LPCAT1: variants seen among roughly 807,000 people sequenced by gnomAD.
The protein encoded by LPCAT1 is lysophosphatidylcholine acyltransferase 1.
A neutral mutation model predicts 60.9 loss-of-function variants in LPCAT1; 23 were observed. The ratio of observed to expected loss-of-function variants is 0.38; its 90% CI spans 0.27 to 0.53. The LOEUF (loss-of-function observed/expected upper bound fraction) is 0.53, where lower values mean the gene tolerates loss of function less well. Ranked by LOEUF, LPCAT1 falls within the 20% of genes least tolerant of loss-of-function variation. The pLI is 0.82. For missense variants in LPCAT1, 622 were observed against 723.6 expected (o/e 0.86, Z 1.61); for synonymous variants, 340 against 301.1 (o/e 1.13, Z -1.34).
Position 1,473,999 on chromosome 5 carries a change from G to A in LPCAT1, c.1137C>T (p.Pro379=), listed in dbSNP as rs375128073. The stretch of plus-strand genomic sequence containing the variant: ...ACATGTCTTCCAGCAAGTCAGAAAC[G>A]GGGACTTCCAGGGAGGCGGCAAACT... ...IAEFAASLEV[P]VSDLLEDMFS... is the part of the protein sequence containing the mutation. Residue 379 remains proline (P), a synonymous_variant, in exon 11 of 14, where the codon CCC becomes CCT. Transcript: ENST00000283415. The A allele has an allele frequency of 2.4e-5, 38 of 1,614,036 alleles. No homozygotes were observed. Among genetic ancestry groups the A allele is most frequent in the Admixed American group, 1.7e-4 (10 of 60,002 alleles).
Position 1,495,568 on chromosome 5 carries a change from T to C in LPCAT1, c.279-654A>G, listed in dbSNP as rs1735759120. 6.6e-6 allele frequency among the ~76,000 whole-genome samples: 1 copy of C among 152,228 alleles called. No individual in the cohort carries two copies. Among genetic ancestry groups the C allele is most frequent in the Non-Finnish European group, 1.5e-5 (1 of 68,028 alleles). ...TAAAATAGGTACAAATTTAGCCTTT[T>C]AAATGTGTGTATTCTCTTTCATATG... On this transcript the variant is annotated intron_variant, in intron 2 of 13. Transcript: ENST00000283415. This position sits in a 1 kb window ranked among gnomAD's most constrained non-coding sequence, Gnocchi z 4.7.
chr5:1,467,975 G>A (rs139112953), intron 12 of LPCAT1, among the ~76,000 whole-genome samples: 10 of 152,268 alleles, frequency 6.6e-5, no homozygotes, highest in African/African-American at 1.4e-4. Flanking sequence ...GATCTTGTGA[G>A]CGTTTGCTCC....
intron 2 of LPCAT1, among the ~76,000 whole-genome samples, chr5:1,500,058 A>C (rs1735948742): frequency 6.6e-6 from 1 of 152,216 alleles, no homozygotes; most frequent in South Asian, 2.1e-4. Context: ...TTCCCCACCA[A>C]TGCAGCCCTG....
At chr5:1,467,774 G>A (rs1421456599) in intron 12 of LPCAT1, among the ~76,000 whole-genome samples, 6 of 152,016 alleles carry the variant, frequency 3.9e-5, no homozygotes, top group Admixed American at 6.5e-5. Context: ...GACGCCGCCC[G>A]TGTCCTTCCG....
chr5:1,507,472 G>A (rs918981049), intron 1 of LPCAT1, among the ~76,000 whole-genome samples: 4 of 152,278 alleles, frequency 2.6e-5, no homozygotes, highest in African/African-American at 7.2e-5. Context: ...CATGCAGGGA[G>A]AGCTTTGGTG....
At chr5:1,482,132 AGTGGGCT>A (rs58362158) in intron 6 of LPCAT1, among the ~76,000 whole-genome samples, 12,874 of 152,008 alleles carry the variant, frequency 0.085, 1,756 homozygotes, top group African/African-American at 0.29. Flanking sequence ...GCCCAGCACC[AGTGGGCT>A]GTGGGGACCT....
At position 1,523,903 on chromosome 5, in the gene LPCAT1, G is replaced by A. The variant is rs550068457; in HGVS notation, c.-59C>T. ...TGCCTGGGGCGCCGAGCGGGGCCGG[G>A]GCTAGCTGGGCGCGGGTCTCGGGGC... On this transcript the variant is annotated 5_prime_UTR_variant, in exon 1 of 14. Transcript: ENST00000283415. This position sits in a 1 kb window ranked among gnomAD's most constrained non-coding sequence, Gnocchi z 7.1. 2.3e-3 allele frequency: 2,312 copies of A among 1,006,180 alleles called. 2 individuals carry two copies. The highest frequency in any genetic ancestry group is 2.6e-3 in the Non-Finnish European group (2,189 of 843,512). The allele number at this position is 1,006,180 out of a possible 1,614,324, so 62.3% of individuals were successfully genotyped here.
intron 5 of LPCAT1, among the ~76,000 whole-genome samples, chr5:1,484,711 G>A (rs456752): frequency 0.046 from 7,081 of 152,290 alleles, 245 homozygotes; most frequent in East Asian, 0.14. Context: ...CTGAAACCTC[G>A]AGCTGACCGC....
chr5:1,499,171 C>T (rs1735915710), intron 2 of LPCAT1, among the ~76,000 whole-genome samples: 1 of 152,190 alleles, frequency 6.6e-6, no homozygotes, highest in Non-Finnish European at 1.5e-5. Flanking sequence ...TATTCACAGA[C>T]AAGAAAAGCC....
At chr5:1,503,810 C>T in intron 1 of LPCAT1, among the ~76,000 whole-genome samples, 1 of 151,974 alleles carries the variant, frequency 6.6e-6, no homozygotes, top group East Asian at 1.9e-4. Flanking sequence ...ATATTTTTCC[C>T]TCCCGCTACC....
rs945488697 is a variant in LPCAT1 at position 1,477,252 on chromosome 5, C to T, written c.899+152G>A. 4.7e-6 allele frequency: 3 copies of T among 645,080 alleles called. No homozygotes were observed. Among genetic ancestry groups the T allele is most frequent in the Non-Finnish European group, 8.2e-6 (3 of 365,782 alleles). The allele number at this position is 645,080 out of a possible 1,614,324, so 40.0% of individuals were successfully genotyped here. On this transcript the variant is annotated intron_variant, in intron 9 of 13. Coordinates refer to ENST00000283415, the MANE Select transcript of LPCAT1 (RefSeq NM_024830.5). This position sits in a 1 kb window ranked among gnomAD's most constrained non-coding sequence, Gnocchi z 6.0. The stretch of plus-strand genomic sequence containing the variant: ...GAAACAAGGGGCGCACAGCACAAGG[C>T]CAAGCACGCTTCACCAACATGCATG...
chr5:1,467,929 G>A (rs1313869256), intron 12 of LPCAT1, among the ~76,000 whole-genome samples: 1 of 152,078 alleles, frequency 6.6e-6, no homozygotes, highest in African/African-American at 2.4e-5. Context: ...CCGTCGCCCT[G>A]ACTCCGAGTC....
intron 2 of LPCAT1, among the ~76,000 whole-genome samples, chr5:1,501,216 C>T (rs940233166): frequency 3.3e-5 from 5 of 152,218 alleles, no homozygotes; most frequent in Admixed American, 1.3e-4. Flanking sequence ...AATGGCCACA[C>T]ATCCTGCAGA....
intron 7 of LPCAT1, 91 bp from the exon 8 acceptor site, chr5:1,479,766 G>A (rs1195135749): frequency 3.4e-5 from 34 of 1,000,552 alleles, no homozygotes; most frequent in East Asian, 5.2e-5. Context: ...CTCCAGACGC[G>A]CCCTCCAGAG....
At chr5:1,470,001 G>A (rs1734602012) in intron 12 of LPCAT1, among the ~76,000 whole-genome samples, 2 of 152,218 alleles carry the variant, frequency 1.3e-5, no homozygotes, top group African/African-American at 4.8e-5. Context: ...TTTTCATGTG[G>A]GGACATTCCC....
Position 1,480,234 on chromosome 5 carries a change from G to C in LPCAT1, c.762-559C>G. ...GACCCCAGAACCCCTATACCCCCCA[G>C]AGCCCCCTCCCAGCTCTGCTCCCAG... is the stretch of plus-strand genomic sequence containing the variant. On this transcript the variant is annotated intron_variant, in intron 7 of 13. Coordinates refer to ENST00000283415, the MANE Select transcript of LPCAT1 (RefSeq NM_024830.5). The surrounding 1 kb of genome is among the most constrained non-coding windows in gnomAD (Gnocchi z 6.4). 2.7e-5 allele frequency: 11 copies of C among 405,566 alleles called. No individual in the cohort carries two copies. Among genetic ancestry groups the C allele is most frequent in the Non-Finnish European group, 3.6e-5 (11 of 307,762 alleles). 25.1% of individuals were successfully genotyped at this position (405,566 alleles called of 1,614,324 possible). A position where few individuals can be genotyped will look rare whatever the true frequency, so the allele number is the denominator to read the frequency against.
chr5:1,515,997 G>T (rs930129043), intron 1 of LPCAT1, among the ~76,000 whole-genome samples: 1 of 152,250 alleles, frequency 6.6e-6, no homozygotes, highest in Non-Finnish European at 1.5e-5. Flanking sequence ...CAGGGGCTGT[G>T]GGCCCTGGCA....
intron 1 of LPCAT1, 100 bp from the exon 2 acceptor site, chr5:1,501,703 A>G: frequency 3.2e-6 from 4 of 1,232,154 alleles, no homozygotes; most frequent in Non-Finnish European, 4.7e-6. Context: ...CGCCCCACAG[A>G]GTGGAGAGCT....
At chr5:1,504,124 T>C (rs1736110288) in intron 1 of LPCAT1, among the ~76,000 whole-genome samples, 2 of 152,264 alleles carry the variant, frequency 1.3e-5, no homozygotes, top group East Asian at 1.9e-4. Context: ...GCCCACTTTG[T>C]TATTTTCAGA....
Sources: allele counts gnomAD v4.1 joint callset (sites outside exome capture counted in the v4.1 genomes callset), GRCh38; gene constraint gnomAD v4.1.1; non-coding constraint Gnocchi (gnomAD v3.1); transcripts MANE v1.5; gene names NCBI Gene and HGNC (gene_info 2026-07-23, HGNC 2026-07-21).